The following IMPACT variants were observed in gnomAD, a reference collection of about 807,000 sequenced individuals.
IMPACT encodes the protein impact RWD domain protein.
A neutral mutation model predicts 47.5 loss-of-function variants in IMPACT; 35 were observed. The observed-to-expected ratio is 0.74, with a 90% confidence interval of 0.56 to 0.98. IMPACT has a LOEUF of 0.98. IMPACT is among the 50% of genes least tolerant of loss of function. The pLI is 0.00. For missense variants in IMPACT, 373 were observed against 394.8 expected (o/e 0.94, Z 0.47); for synonymous variants, 118 against 125.6 (o/e 0.94, Z 0.40).
rs980131953 is a variant in IMPACT at position 24,448,274 on chromosome 18, T to G, written c.759+91T>G. On this transcript the variant is annotated intron_variant, in intron 9 of 10. Coordinates refer to ENST00000284202, the MANE Select transcript of IMPACT (RefSeq NM_018439.4). ...CTCCATTTAGTAATAGCTAAGTCAGTTGAACTATGTAACATAAGATATATT... is the reference window on the plus strand; with the variant it reads ...CTCCATTTAGTAATAGCTAAGTCAGGTGAACTATGTAACATAAGATATATT... 1.2e-5 allele frequency: 9 copies of G among 727,524 alleles called. No individual in the cohort carries two copies. The Middle Eastern group carries it at 1.7e-3, about 137-fold the overall frequency. The allele number at this position is 727,524 out of a possible 1,614,324, so 45.1% of individuals were successfully genotyped here.
intron 9 of IMPACT, among the ~76,000 whole-genome samples, chr18:24,448,431 A>G (rs1214601837): frequency 6.6e-6 from 1 of 152,210 alleles, no homozygotes; most frequent in African/African-American, 2.4e-5. Flanking sequence ...ATTGTCTTCA[A>G]CTTTGGGAAA....
chr18:24,443,711 A>G (rs2144345601), intron 7 of IMPACT, among the ~76,000 whole-genome samples: 1 of 152,268 alleles, frequency 6.6e-6, no homozygotes, highest in South Asian at 2.1e-4. Flanking sequence ...TCCCTACCTG[A>G]CTTACTTTCC....
intron 4 of IMPACT, 33 bp downstream of exon 4, chr18:24,430,417 G>C: frequency 6.8e-7 from 1 of 1,479,324 alleles, no homozygotes; most frequent in Non-Finnish European, 9.3e-7. Flanking sequence ...AAATAATTCT[G>C]TTAGTGATTG....
intron 5 of IMPACT, among the ~76,000 whole-genome samples, chr18:24,439,109 G>A (rs1290140741): frequency 1.3e-5 from 2 of 152,072 alleles, no homozygotes; most frequent in Non-Finnish European, 2.9e-5. Context: ...TAATGTTAAG[G>A]CCATCAGCTG....
At chr18:24,432,178 C>T (rs1437503785) in intron 4 of IMPACT, among the ~76,000 whole-genome samples, 1 of 152,110 alleles carries the variant, frequency 6.6e-6, no homozygotes, top group Non-Finnish European at 1.5e-5. Flanking sequence ...TAAAAAAGAT[C>T]ATTCTATTTT....
intron 9 of IMPACT, among the ~76,000 whole-genome samples, chr18:24,448,755 TATTA>T (rs1168342675): frequency 2.0e-5 from 3 of 152,126 alleles, no homozygotes; most frequent in Non-Finnish European, 2.9e-5. Flanking sequence ...TCTCTGATTA[TATTA>T]ATTAGAGTTT....
At chr18:24,447,875 C>G (rs1450779261) in intron 8 of IMPACT, among the ~76,000 whole-genome samples, 2 of 152,032 alleles carry the variant, frequency 1.3e-5, no homozygotes, top group African/African-American at 4.8e-5. Context: ...AAAGGAGATG[C>G]CTTTGATTCC....
rs1246963804 is a variant in IMPACT at position 24,452,891 on chromosome 18, T to A, written c.*2044T>A. 5.3e-5 allele frequency: 8 copies of A among 152,222 alleles called. No individual in the cohort carries two copies. Among genetic ancestry groups the A allele is most frequent in the Admixed American group, 5.2e-4 (8 of 15,276 alleles). The allele number at this position is 152,222 out of a possible 1,614,324, so 9.4% of individuals were successfully genotyped here. A position where few individuals can be genotyped will look rare whatever the true frequency, so the allele number is the denominator to read the frequency against. ...TCACTGCAGCCTTGACCTTCCAGCCTGCCAAGTAGCTGGGATTACAGACAG... is the reference window on the plus strand; with the variant it reads ...TCACTGCAGCCTTGACCTTCCAGCCAGCCAAGTAGCTGGGATTACAGACAG... On this transcript the variant is annotated 3_prime_UTR_variant, in exon 11 of 11. Transcript: ENST00000284202.
chr18:24,433,936 G>T (rs1908835640), intron 4 of IMPACT, among the ~76,000 whole-genome samples: 1 of 152,040 alleles, frequency 6.6e-6, no homozygotes, highest in Non-Finnish European at 1.5e-5. Flanking sequence ...CTCCCAAAGT[G>T]CTGGGATTAC....
chr18:24,436,881 A>G (rs1000152760), intron 4 of IMPACT, among the ~76,000 whole-genome samples: 2 of 152,122 alleles, frequency 1.3e-5, no homozygotes, highest in Non-Finnish European at 2.9e-5. Flanking sequence ...TCCAGCTTAT[A>G]ATATTGAAAA....
At position 24,441,138 on chromosome 18, in the gene IMPACT, C is replaced by T. The variant is rs112200019; in HGVS notation, c.490+520C>T. On this transcript the variant is annotated intron_variant, in intron 6 of 10. Transcript: ENST00000284202. ...CAAGTGATCCTTCTACCTCAGCCTCCGAGTAGCTGGGACTACAAGCATGCA... is the reference window on the plus strand; with the variant it reads ...CAAGTGATCCTTCTACCTCAGCCTCTGAGTAGCTGGGACTACAAGCATGCA... 4.3e-3 allele frequency among the ~76,000 whole-genome samples: 657 copies of T among 152,310 alleles called. 5 individuals are homozygous for T. The highest frequency in any genetic ancestry group is 0.014 in the African/African-American group (564 of 41,562).
chr18:24,448,730 A>G (rs373654782), intron 9 of IMPACT, among the ~76,000 whole-genome samples: 15 of 152,094 alleles, frequency 9.9e-5, no homozygotes, highest in East Asian at 7.7e-4. Flanking sequence ...TATGGCTCCA[A>G]TATCTTCTAA....
chr18:24,428,105 GACTT>G, intron 2 of IMPACT, 58 bp downstream of exon 2: 1 of 1,413,288 alleles, frequency 7.1e-7, no homozygotes. Context: ...CTATATTGTT[GACTT>G]CTGTATTCTA....
rs767644426 is a variant in IMPACT, at chr18:24,443,047, A to C, written c.491-2A>C. ...AAAATAAAGTTTCTTTTACATTTCT[A>C]GAAGTAGAAGTAGAAGAATTACCTC... On this transcript the variant is annotated splice_acceptor_variant, in intron 6 of 10. Coordinates refer to ENST00000284202, the MANE Select transcript of IMPACT (RefSeq NM_018439.4). LOFTEE classifies it high-confidence loss of function. 2 of 1,501,984 alleles carry C rather than the reference A, an allele frequency of 1.3e-6. No homozygotes were observed. Among genetic ancestry groups the C allele is most frequent in the Non-Finnish European group, 1.8e-6 (2 of 1,091,480 alleles). The allele number at this position is 1,501,984 out of a possible 1,614,324, so 93.0% of individuals were successfully genotyped here.
Position 24,451,002 on chromosome 18 carries a change from T to C in IMPACT, c.*155T>C, listed in dbSNP as rs1909370492. 2 of 517,836 alleles carry C rather than the reference T, an allele frequency of 3.9e-6. No individual in the cohort carries two copies. The highest frequency in any genetic ancestry group is 7.0e-6 in the Non-Finnish European group (2 of 286,532). 32.1% of individuals were successfully genotyped at this position (517,836 alleles called of 1,614,324 possible). A position where few individuals can be genotyped will look rare whatever the true frequency, so the allele number is the denominator to read the frequency against. On this transcript the variant is annotated 3_prime_UTR_variant, in exon 11 of 11. Transcript: ENST00000284202. ...TTAGCTTTTCTTCTTGGTTATATCA[T>C]CTGCCAAAAATAGAGAACTTATGAT...
intron 6 of IMPACT, among the ~76,000 whole-genome samples, chr18:24,442,465 C>A (rs772418073): frequency 6.6e-6 from 1 of 152,120 alleles, no homozygotes; most frequent in Non-Finnish European, 1.5e-5. Context: ...GATCCTTAAA[C>A]TTGTTTTAAG....
intron 3 of IMPACT, 151 bp from the exon 4 acceptor site, chr18:24,430,171 C>T: frequency 2.1e-6 from 1 of 467,006 alleles, no homozygotes. Flanking sequence ...CTAATGAAAG[C>T]ATTTTGCAAC....
chr18:24,428,090 A>G (rs1908661373), intron 2 of IMPACT, 43 bp downstream of exon 2: 3 of 1,513,400 alleles, frequency 2.0e-6, no homozygotes, highest in African/African-American at 1.4e-5. Flanking sequence ...CAGTTACAGT[A>G]TGAACTATAT....
chr18:24,438,877 A>ACCAATTGAATATATG (rs1298266376), intron 5 of IMPACT, among the ~76,000 whole-genome samples: 1 of 152,134 alleles, frequency 6.6e-6, no homozygotes, highest in Non-Finnish European at 1.5e-5. Context: ...GAGAAACAGA[A>ACCAATTGAATATATG]CCAATTGAAT....
Sources: allele counts gnomAD v4.1 joint callset (sites outside exome capture counted in the v4.1 genomes callset), GRCh38; gene constraint gnomAD v4.1.1; transcripts MANE v1.5; gene names NCBI Gene and HGNC (gene_info 2026-07-23, HGNC 2026-07-21).